The following EIF2B2 variants were observed in gnomAD, a reference collection of about 807,000 sequenced individuals.
EIF2B2 encodes eukaryotic translation initiation factor 2B subunit beta, also known as translation initiation factor eIF2B subunit beta.
Under a neutral mutation model 34.7 loss-of-function variants are expected in EIF2B2, and 34 were observed. That is an observed-to-expected ratio of 0.98 (90% confidence interval 0.75 to 1.31). The LOEUF is 1.31. EIF2B2 is among the 50% of genes most tolerant of loss of function. EIF2B2 has a pLI of 0.00. For synonymous variants in EIF2B2, 155 were observed against 171.6 expected (o/e 0.90, Z 0.76); for missense variants, 361 against 447.7 (o/e 0.81, Z 1.75).
At chr14:75,005,078 G>A in intron 4 of EIF2B2, 178 bp downstream of exon 4, 2 of 705,106 alleles carry the variant, frequency 2.8e-6, no homozygotes, top group Non-Finnish European at 4.8e-6. Flanking sequence ...TTCATAAATA[G>A]TGGTTTAAGA....
rs1889673006 is a variant in EIF2B2 at position 75,009,353 on chromosome 14, A to G, written c.*165A>G. The G allele has an allele frequency of 1.9e-5, 15 of 772,446 alleles. No homozygotes were observed. Among genetic ancestry groups the G allele is most frequent in the South Asian group, 9.0e-5 (6 of 66,838 alleles). 47.8% of individuals were successfully genotyped at this position (772,446 alleles called of 1,614,324 possible). A position where few individuals can be genotyped will look rare whatever the true frequency, so the allele number is the denominator to read the frequency against. On this transcript the variant is annotated 3_prime_UTR_variant, in exon 8 of 8. Transcript: ENST00000266126. ...CTGCCTTTTTAGTCACCCCGTAACA[A>G]GGGCACACATCCAGGACTGTGTCTT...
Position 75,003,357 on chromosome 14 carries a change from G to A in EIF2B2, c.246G>A (p.Val82=). 6.2e-7 allele frequency: 1 copy of A among 1,613,998 alleles called. No individual in the cohort carries two copies. The highest frequency in any genetic ancestry group is 2.2e-5 in the East Asian group (1 of 44,880). ...CCGAGACCACCGTGGGCAACATGGT[G>A]CGGAGAGTGCTCAAGATTATCCGGG... is the stretch of plus-strand genomic sequence containing the variant. ...QPSETTVGNM[V]RRVLKIIREE... The change falls in exon 2 of 8, where the codon GTG becomes GTA. Residue 82 remains valine, a synonymous_variant. Transcript: ENST00000266126.
chr14:75,006,876 T>C lies in EIF2B2; in HGVS notation c.831+162T>C. 9.4e-7 allele frequency: 1 copy of C among 1,067,314 alleles called. No homozygotes were observed. The highest frequency in any genetic ancestry group is 1.3e-5 in the South Asian group (1 of 78,514). The allele number at this position is 1,067,314 out of a possible 1,614,324, so 66.1% of individuals were successfully genotyped here. A position where few individuals can be genotyped will look rare whatever the true frequency, so the allele number is the denominator to read the frequency against. ...AGGCTGGAAAGAACCACAGAAGTCTTGATTCAGTAAAACAGTTGAGAGTTC... is the reference window on the plus strand; with the variant it reads ...AGGCTGGAAAGAACCACAGAAGTCTCGATTCAGTAAAACAGTTGAGAGTTC... On this transcript the variant is annotated intron_variant, in intron 6 of 7. Transcript: ENST00000266126. The surrounding 1 kb of genome is among the most constrained non-coding windows in gnomAD (Gnocchi z 4.1).
At chr14:75,003,522 T>A (rs776342453) in intron 2 of EIF2B2, 29 bp from the exon 3 acceptor site, 38 of 1,613,980 alleles carry the variant, frequency 2.4e-5, no homozygotes, top group Admixed American at 6.7e-5. Flanking sequence ...CCTCCCCACC[T>A]CTCTCTTTGG....
In EIF2B2 at chr14:75,006,706, T is replaced by C. The variant is rs762878400; in HGVS notation, c.823T>C (p.Ser275Pro). 6.2e-7 allele frequency: 1 copy of C among 1,614,170 alleles called. No homozygotes were observed. Residue 275 changes from serine (S) to proline (P), a missense_variant, in exon 6 of 8, where the codon TCT becomes CCT. Physicochemically the swap from Ser to Pro is moderately conservative, Grantham distance 74. Transcript: ENST00000266126. This position sits in a 1 kb window ranked among gnomAD's most constrained non-coding sequence, Gnocchi z 4.1. Reference protein sequence around the residue: ...LIVCAPMFKLSPQFPNEEDSF... With the variant: ...LIVCAPMFKLPPQFPNEEDSF... ...CGTCTGTGCACCTATGTTCAAACTT[T>C]CTCCACAGGTAAGTGTGTCTGTCTC... is the stretch of plus-strand genomic sequence containing the variant.
At position 75,005,913 on chromosome 14, in the gene EIF2B2, T is replaced by C; in HGVS notation, c.645T>C (p.Thr215=). ...VNLSKAGIET[T]VMTDAAIFAV... ...TGTCCAAAGCAGGTATTGAGACAAC[T>C]GTCATGACTGATGCTGCCATTTTTG... The change falls in exon 5 of 8, where the codon ACT becomes ACC. Residue 215 remains threonine, a synonymous_variant. Coordinates refer to ENST00000266126, the MANE Select transcript of EIF2B2 (RefSeq NM_014239.4). The C allele has an allele frequency of 6.2e-7, 1 of 1,613,706 alleles. No individual in the cohort carries two copies. Among genetic ancestry groups the C allele is most frequent in the Non-Finnish European group, 8.5e-7 (1 of 1,179,654 alleles).
At chr14:75,008,626 C>T (rs1889661066) in intron 7 of EIF2B2, 2 of 330,518 alleles carry the variant, frequency 6.1e-6, no homozygotes, top group Admixed American at 4.0e-5. Context: ...GACATTTCAG[C>T]TGAGTCCTGA....
Position 75,006,839 on chromosome 14 carries a change from T to C in EIF2B2, c.831+125T>C. The C allele has an allele frequency of 1.5e-6, 2 of 1,371,536 alleles. No homozygotes were observed. Among genetic ancestry groups the C allele is most frequent in the Non-Finnish European group, 2.1e-6 (2 of 971,986 alleles). 85.0% of individuals were successfully genotyped at this position (1,371,536 alleles called of 1,614,324 possible). A position where few individuals can be genotyped will look rare whatever the true frequency, so the allele number is the denominator to read the frequency against. On this transcript the variant is annotated intron_variant, in intron 6 of 7. Coordinates refer to ENST00000266126, the MANE Select transcript of EIF2B2 (RefSeq NM_014239.4). This position sits in a 1 kb window ranked among gnomAD's most constrained non-coding sequence, Gnocchi z 4.1. The stretch of plus-strand genomic sequence containing the variant: ...ATTTATCTGCATTTACTCAATGGAT[T>C]ACACCCAGTGGAGGCTGGAAAGAAC...
At chr14:75,008,911 A>C in intron 7 of EIF2B2, 120 bp from the exon 8 acceptor site, 1 of 1,357,622 alleles carries the variant, frequency 7.4e-7, no homozygotes, top group Non-Finnish European at 1.0e-6. Context: ...GCATTTTTCC[A>C]TAGCTTCCCG....
At chr14:75,003,727 G>A (rs367701960) in intron 3 of EIF2B2, 28 bp downstream of exon 3, 21 of 1,613,888 alleles carry the variant, frequency 1.3e-5, no homozygotes, top group Non-Finnish European at 1.8e-5. Flanking sequence ...TGGGAAAATG[G>A]GACTGGTCAC....
At chr14:75,003,517 C>A (rs1318745758) in intron 2 of EIF2B2, 34 bp from the exon 3 acceptor site, 1 of 1,614,124 alleles carries the variant, frequency 6.2e-7, no homozygotes, top group African/African-American at 1.3e-5. Context: ...CCACTCCTCC[C>A]CACCTCTCTC....
Position 75,011,854 on chromosome 14 carries a change from C to T in EIF2B2, c.*2666C>T, listed in dbSNP as rs925402432. 1 of 152,114 alleles carries T rather than the reference C, an allele frequency of 6.6e-6. No homozygotes were observed. Among genetic ancestry groups the T allele is most frequent in the African/African-American group, 2.4e-5 (1 of 41,438 alleles). The allele number at this position is 152,114 out of a possible 1,614,324, so 9.4% of individuals were successfully genotyped here. A position where few individuals can be genotyped will look rare whatever the true frequency, so the allele number is the denominator to read the frequency against. On this transcript the variant is annotated 3_prime_UTR_variant, in exon 8 of 8. Coordinates refer to ENST00000266126, the MANE Select transcript of EIF2B2 (RefSeq NM_014239.4). ...GTGAGGCAAGGAACTTAAATCTGTT[C>T]CTGGCTCCAAAAATGCTTTATGATA...
intron 4 of EIF2B2, chr14:75,005,248 A>G: frequency 5.8e-6 from 2 of 345,622 alleles, no homozygotes; most frequent in Non-Finnish European, 1.1e-5. Flanking sequence ...GTGGTGGCAC[A>G]TGCCTGTAAT....
rs1348551300 is a variant in EIF2B2 at position 75,003,541 on chromosome 14, G to T, written c.285-10G>T. ...CCCACCTCTCTCTTTGGGTCTTGTT[G>T]CCTCTATAGACTCCATGGACGCAGC... is the stretch of plus-strand genomic sequence containing the variant. On this transcript the variant is annotated splice_polypyrimidine_tract_variant and intron_variant, in intron 2 of 7. Transcript: ENST00000266126. 2.5e-6 allele frequency: 4 copies of T among 1,614,026 alleles called. No homozygotes were observed. The highest frequency in any genetic ancestry group is 3.4e-6 in the Non-Finnish European group (4 of 1,180,034).
At chr14:75,003,254 C>CCTCTCTCT in intron 1 of EIF2B2, 21 bp from the exon 2 acceptor site, 1 of 1,613,576 alleles carries the variant, frequency 6.2e-7, no homozygotes, top group Non-Finnish European at 8.5e-7. Flanking sequence ...CTCCTCTTAT[C>CCTCTCTCT]CTCTCTCTTT....
At chr14:75,005,738 T>G in intron 4 of EIF2B2, 128 bp from the exon 5 acceptor site, 1 of 769,096 alleles carries the variant, frequency 1.3e-6, no homozygotes, top group East Asian at 2.7e-5. Flanking sequence ...GAAAAATGAG[T>G]TATCTATTGG....
chr14:75,006,499 C>T lies in EIF2B2; in HGVS notation c.694-78C>T. 1 of 1,598,900 alleles carries T rather than the reference C, an allele frequency of 6.3e-7. No individual in the cohort carries two copies. The highest frequency in any genetic ancestry group is 2.2e-5 in the East Asian group (1 of 44,842). ...CACGATACCAATTCTGAGGTCTAAG[C>T]ATTTAGCTTTTTGTGGCCAGTGGCC... On this transcript the variant is annotated intron_variant, in intron 5 of 7. Transcript: ENST00000266126. The surrounding 1 kb of genome is among the most constrained non-coding windows in gnomAD (Gnocchi z 4.1).
Position 75,004,718 on chromosome 14 carries a change from T to TTTTTTTTTAAAAAAA in EIF2B2, c.434-19_434-18insTTTTTTTTAAAAAAA. 1.8e-6 allele frequency: 2 copies of TTTTTTTTTAAAAAAA among 1,133,748 alleles called. No individual in the cohort carries two copies. The highest frequency in any genetic ancestry group is 2.2e-6 in the Non-Finnish European group (2 of 902,382). 70.2% of individuals were successfully genotyped at this position (1,133,748 alleles called of 1,614,324 possible). Reference sequence around the variant, plus strand: ...TTTTTTTTTTTTTTTTTTTTTTTTTTGCAAAACCGTTCTTACAGAAGGGAC... The same window carrying TTTTTTTTTAAAAAAA: ...TTTTTTTTTTTTTTTTTTTTTTTTTTTTTTTTTTAAAAAAAGCAAAACCGTTCTTACAGAAGGGAC... On this transcript the variant is annotated intron_variant, in intron 3 of 7. Transcript: ENST00000266126.
At position 75,009,710 on chromosome 14, in the gene EIF2B2, C is replaced by A; in HGVS notation, c.*522C>A. 1 of 173,734 alleles carries A rather than the reference C, an allele frequency of 5.8e-6. No homozygotes were observed. The highest frequency in any genetic ancestry group is 2.4e-5 in the African/African-American group (1 of 41,944). The allele number at this position is 173,734 out of a possible 1,614,324, so 10.8% of individuals were successfully genotyped here. ...GGGAAAAGTGTACAACATGGTAGTA[C>A]TGGCCAGATGCAGTGGCTCCCACTT... On this transcript the variant is annotated 3_prime_UTR_variant, in exon 8 of 8. Transcript: ENST00000266126.
Sources: gnomAD v4.1 joint callset for allele counts on GRCh38, gnomAD v4.1.1 for gene constraint, Gnocchi (gnomAD v3.1) non-coding constraint, MANE v1.5 for transcripts, NCBI Gene and HGNC (gene_info 2026-07-23, HGNC 2026-07-21) for gene names.